Variants in KHDRBS2 observed in about 807,000 individuals in gnomAD.
KHDRBS2 encodes KH domain-containing, RNA-binding, signal transduction-associated protein 2.
Under a neutral mutation model 44.3 loss-of-function variants are expected in KHDRBS2, and 26 were observed. The observed-to-expected ratio is 0.59, with a 90% CI of 0.43 to 0.81. The LOEUF (loss-of-function observed/expected upper bound fraction) is 0.81, where lower values mean the gene tolerates loss of function less well. Ranked by LOEUF, KHDRBS2 falls within the 40% of genes least tolerant of loss-of-function variation. The pLI, the probability that KHDRBS2 is intolerant of heterozygous loss-of-function variation, is 0.00. For synonymous variants in KHDRBS2, 194 were observed against 151.1 expected (o/e 1.28, Z -2.08); for missense variants, 476 against 433.1 (o/e 1.10, Z -0.88).
chr6:61,571,193 A>C, the KHDRBS2 span, among the ~76,000 whole-genome samples: 2 of 152,066 alleles, frequency 1.3e-5, no homozygotes, highest in African/African-American at 2.4e-5. Context: ...ATATATAATG[A>C]CTCACATAAA....
At chr6:61,662,470 A>T in the KHDRBS2 span, among the ~76,000 whole-genome samples, 2 of 152,088 alleles carry the variant, frequency 1.3e-5, no homozygotes, top group Non-Finnish European at 2.9e-5. Context: ...CAACCTACAG[A>T]ATGGGAGAAA....
chr6:61,827,103 G>T (rs76508615), intron 6 of KHDRBS2, among the ~76,000 whole-genome samples: 4,583 of 152,238 alleles, frequency 0.03, 228 homozygotes, highest in African/African-American at 0.1. Flanking sequence ...ACATTTTGGG[G>T]TTTCAGGGAA....
intron 6 of KHDRBS2, among the ~76,000 whole-genome samples, chr6:61,766,458 A>G (rs761898430): frequency 1.9e-4 from 29 of 151,600 alleles, no homozygotes; most frequent in Non-Finnish European, 3.7e-4. Flanking sequence ...TTTTGTTTAA[A>G]TTTCATTTAT....
chr6:61,556,245 G>T, the KHDRBS2 span, among the ~76,000 whole-genome samples: 2 of 152,170 alleles, frequency 1.3e-5, no homozygotes, highest in South Asian at 4.1e-4. Context: ...ATCGGGCAGG[G>T]GGCAGAGCTA....
At chr6:61,699,200 TAGGA>T (rs1217250685) in intron 7 of KHDRBS2, among the ~76,000 whole-genome samples, 1 of 151,986 alleles carries the variant, frequency 6.6e-6, no homozygotes, top group African/African-American at 2.4e-5. Context: ...AAATTACTCA[TAGGA>T]AGCCCAGACA....
chr6:62,204,614 T>C (rs1827634075), intron 1 of KHDRBS2, among the ~76,000 whole-genome samples: 1 of 152,166 alleles, frequency 6.6e-6, no homozygotes, highest in African/African-American at 2.4e-5. Flanking sequence ...AGATTTGGGA[T>C]GCCCAACCGG....
downstream of KHDRBS2, among the ~76,000 whole-genome samples, chr6:61,675,875 T>A (rs1346233600): frequency 1.3e-5 from 2 of 151,808 alleles, no homozygotes; most frequent in African/African-American, 2.4e-5. Flanking sequence ...TAGAGCATTA[T>A]CTGAAAATAT....
At chr6:61,948,266 C>T (rs1463271215) in intron 4 of KHDRBS2, among the ~76,000 whole-genome samples, 1 of 151,934 alleles carries the variant, frequency 6.6e-6, no homozygotes, top group Non-Finnish European at 1.5e-5. Context: ...GCTTTTTAGT[C>T]TAACTTTTCA....
chr6:62,167,301 G>A (rs1818901557), intron 2 of KHDRBS2, among the ~76,000 whole-genome samples: 1 of 152,032 alleles, frequency 6.6e-6, no homozygotes, highest in South Asian at 2.1e-4. Flanking sequence ...AATGATGTGA[G>A]TAGAAGCACA....
chr6:62,119,716 C>T (rs551277520), intron 2 of KHDRBS2, among the ~76,000 whole-genome samples: 3 of 152,300 alleles, frequency 2.0e-5, no homozygotes, highest in African/African-American at 7.2e-5. Context: ...CCAGTGGTGG[C>T]AACATTCCCT....
At chr6:61,735,623 T>C (rs763578426) in intron 6 of KHDRBS2, among the ~76,000 whole-genome samples, 5 of 152,184 alleles carry the variant, frequency 3.3e-5, no homozygotes, top group Non-Finnish European at 5.9e-5. Flanking sequence ...TTTTGAGTGG[T>C]CCAAACCAAC....
chr6:61,789,885 A>G (rs1483326024), intron 6 of KHDRBS2, among the ~76,000 whole-genome samples: 1 of 151,510 alleles, frequency 6.6e-6, no homozygotes, highest in Non-Finnish European at 1.5e-5. Flanking sequence ...TGCTTACTTT[A>G]TTGTCAGGGA....
chr6:61,810,008 G>A (rs902383382), intron 6 of KHDRBS2, among the ~76,000 whole-genome samples: 1 of 152,066 alleles, frequency 6.6e-6, no homozygotes, highest in African/African-American at 2.4e-5. Context: ...GAAACTGGAG[G>A]TCCCACAGGG....
At chr6:61,984,754 TC>T (rs568895613) in intron 3 of KHDRBS2, among the ~76,000 whole-genome samples, 122 of 152,330 alleles carry the variant, frequency 8.0e-4, no homozygotes, top group Admixed American at 1.6e-3. Context: ...TTTTGTCTTT[TC>T]CTCTGTTAAT....
chr6:62,237,577 T>C (rs189320874), intron 1 of KHDRBS2, among the ~76,000 whole-genome samples: 41 of 152,252 alleles, frequency 2.7e-4, no homozygotes, highest in African/African-American at 9.4e-4. Flanking sequence ...AAGATAGGTG[T>C]TTTGCCTAAG....
At chr6:61,979,548 A>G (rs1387465123) in intron 3 of KHDRBS2, among the ~76,000 whole-genome samples, 5 of 152,134 alleles carry the variant, frequency 3.3e-5, no homozygotes, top group Non-Finnish European at 4.4e-5. Flanking sequence ...GATCCATGAA[A>G]GAGATGGGAA....
chr6:61,712,471 G>A (rs764719089), intron 7 of KHDRBS2, among the ~76,000 whole-genome samples: 7 of 151,814 alleles, frequency 4.6e-5, no homozygotes, highest in Admixed American at 6.6e-5. Flanking sequence ...GGTAGGTGTT[G>A]TTTCAGTTTT....
rs570632905 is a variant in KHDRBS2 at position 62,108,601 on chromosome 6, A to G, written c.220-60607T>C. 2.1e-3 allele frequency among the ~76,000 whole-genome samples: 324 copies of G among 152,322 alleles called. 1 individual carries two copies. Among genetic ancestry groups the G allele is most frequent in the South Asian group, 2.1e-3 (10 of 4,834 alleles). ...ACCCAGCCATCCCATTACTGGGTAT[A>G]TACCCAAAGGACTATAAATCATGTT... On this transcript the variant is annotated intron_variant, in intron 2 of 8. Transcript: ENST00000281156.
At chr6:61,937,893 G>A (rs559673078) in intron 4 of KHDRBS2, among the ~76,000 whole-genome samples, 5 of 152,110 alleles carry the variant, frequency 3.3e-5, no homozygotes, top group South Asian at 4.1e-4. Flanking sequence ...TTTCTGGCAC[G>A]TGAAGATTTC....
Sources: gnomAD v4.1 joint callset for allele counts (sites outside exome capture counted in the v4.1 genomes callset) on GRCh38, gnomAD v4.1.1 for gene constraint, MANE v1.5 for transcripts, NCBI Gene and HGNC (gene_info 2026-07-23, HGNC 2026-07-21) for gene names.